Variants in RBFOX2 observed in about 807,000 individuals in gnomAD.
RBFOX2 encodes RNA binding protein fox-1 homolog 2.
A neutral mutation model predicts 49.1 loss-of-function variants in RBFOX2; 10 were observed. The observed-to-expected ratio is 0.20, with a 90% CI of 0.13 to 0.35. The LOEUF is 0.35. Among genes scored for constraint, RBFOX2 ranks in the 10% least tolerant of loss-of-function variants. The pLI is 1.00. For synonymous variants in RBFOX2, 183 were observed against 187.4 expected (o/e 0.98, Z 0.19); for missense variants, 323 against 486.9 (o/e 0.66, Z 3.17).
intron 5 of RBFOX2, 85 bp downstream of exon 6, chr22:35,768,172 G>T (rs1189815038): frequency 1.4e-6 from 2 of 1,413,176 alleles, no homozygotes; most frequent in Admixed American, 3.4e-5. Context: ...CATAAGACAG[G>T]GTTCCAAATG....
rs554429397 is a variant in RBFOX2 at position 35,891,310 on chromosome 22, T to C, written c.-34+47537A>G. 7.9e-5 allele frequency among the ~76,000 whole-genome samples: 12 copies of C among 152,268 alleles called. No individual in the cohort carries two copies. In the South Asian group the frequency reaches 2.3e-3, roughly 29 times the overall value. On this transcript the variant is annotated intron_variant, in intron 1 of 13. Coordinates refer to the RBFOX2 transcript ENST00000359369. Reference sequence around the variant, plus strand: ...CACCATGCCCAGCTAATTGTTTGTATTTTTAGTAGAGACGGTGTTTCACCA... The same window carrying C: ...CACCATGCCCAGCTAATTGTTTGTACTTTTAGTAGAGACGGTGTTTCACCA...
chr22:35,809,246 T>C (rs1951349602), intron 2 of RBFOX2, among the ~76,000 whole-genome samples: 1 of 152,130 alleles, frequency 6.6e-6, no homozygotes, highest in African/African-American at 2.4e-5. Flanking sequence ...AGAGATTAAA[T>C]AACTGGTCCA....
intron 2 of RBFOX2, among the ~76,000 whole-genome samples, chr22:35,792,451 CATT>C (rs1481881690): frequency 4.0e-5 from 6 of 151,056 alleles, no homozygotes; most frequent in South Asian, 4.2e-4. Context: ...AAAAGTGAAA[CATT>C]ATTAACTTTT....
chr22:35,937,183 G>A (rs7285956), intron 1 of RBFOX2, among the ~76,000 whole-genome samples: 11,535 of 152,208 alleles, frequency 0.076, 452 homozygotes, highest in South Asian at 0.086. Flanking sequence ...CAGAAACTCC[G>A]TGGGGTGGAT....
chr22:35,918,997 AT>A lies in RBFOX2; in HGVS notation c.-34+19849del, dbSNP rs556192653. On this transcript the variant is annotated intron_variant, in intron 1 of 13. Transcript: ENST00000359369. ...CATGTTTTCCCACCATAAAAAAAAAATATTAAATAAGATGTGGTATATCCAC... is the reference window on the plus strand; with the variant it reads ...CATGTTTTCCCACCATAAAAAAAAAAATTAAATAAGATGTGGTATATCCAC... 3.3e-5 allele frequency among the ~76,000 whole-genome samples: 5 copies of A among 152,194 alleles called. No homozygotes were observed. The South Asian group carries it at 8.3e-4, about 25-fold the overall frequency.
chr22:35,756,145 C>T lies in RBFOX2; in HGVS notation c.887+3743G>A. The T allele has an allele frequency of 6.7e-7, 1 of 1,498,360 alleles. No individual in the cohort carries two copies. The highest frequency in any genetic ancestry group is 9.0e-7 in the Non-Finnish European group (1 of 1,115,410). The allele number at this position is 1,498,360 out of a possible 1,614,324, so 92.8% of individuals were successfully genotyped here. A position where few individuals can be genotyped will look rare whatever the true frequency, so the allele number is the denominator to read the frequency against. ...GTAAAATCCGTCCTGGTAAACCACA[C>T]TGCAGAAAATCCACACAAAAACAAA... is the stretch of plus-strand genomic sequence containing the variant. On this transcript the variant is annotated intron_variant, in intron 9 of 11. Coordinates refer to ENST00000405409, the Ensembl canonical transcript of RBFOX2.
intron 1 of RBFOX2, among the ~76,000 whole-genome samples, chr22:35,810,690 A>G (rs1272627279): frequency 6.6e-6 from 1 of 152,234 alleles, no homozygotes; most frequent in African/African-American, 2.4e-5. Flanking sequence ...CAGCAAAAAA[A>G]TTAAGCAGTT....
At chr22:35,956,651 G>A (rs890062332) in intron 1 of RBFOX2, among the ~76,000 whole-genome samples, 2 of 152,008 alleles carry the variant, frequency 1.3e-5, no homozygotes, top group African/African-American at 4.8e-5. Flanking sequence ...GAGCCACTGC[G>A]CCTGGCCACC....
In RBFOX2 at chr22:35,938,646, T is replaced by C. The variant is rs1162150734; in HGVS notation, c.-34+201A>G. ...CTTGAGTGATTATTTTCTCTTCTAA[T>C]ATCCACAATTTTAATAACATAATAC... On this transcript the variant is annotated intron_variant, in intron 1 of 13. Coordinates refer to the RBFOX2 transcript ENST00000359369. Among the ~76,000 whole-genome samples, 3 of 152,244 alleles carry C rather than the reference T, an allele frequency of 2.0e-5. No homozygotes were observed. The South Asian group carries it at 6.2e-4, about 31-fold the overall frequency.
At chr22:35,751,744 G>A in intron 9 of RBFOX2, among the ~76,000 whole-genome samples, 1 of 152,084 alleles carries the variant, frequency 6.6e-6, no homozygotes, top group East Asian at 1.9e-4. Context: ...AAATTTTAAA[G>A]TATTTAAATT....
intron 1 of RBFOX2, among the ~76,000 whole-genome samples, chr22:35,909,441 T>C (rs1209238954): frequency 6.6e-6 from 1 of 152,192 alleles, no homozygotes; most frequent in African/African-American, 2.4e-5. Flanking sequence ...GGAAGTCAGA[T>C]ACACCTGAAA....
exon 8 of RBFOX2, chr22:35,761,208 A>C (rs748226005): frequency 6.2e-7 from 1 of 1,613,044 alleles, no homozygotes; most frequent in Non-Finnish European, 8.5e-7. Flanking sequence ...TTACTGATTA[A>C]AGGAATGTAA....
At chr22:35,826,342 C>CAAAAAAAAAAAAA (rs1160241662) in intron 1 of RBFOX2, among the ~76,000 whole-genome samples, 2 of 62,196 alleles carry the variant, frequency 3.2e-5, no homozygotes, top group African/African-American at 5.4e-5. Flanking sequence ...AACTCCATCT[C>CAAAAAAAAAAAAA]AAAAAAAAAA....
rs541015278 is a variant in RBFOX2, at chr22:35,902,090, G to A, written c.-34+36757C>T. Among the ~76,000 whole-genome samples, 20 of 151,794 alleles carry A rather than the reference G, an allele frequency of 1.3e-4. 1 individual carries two copies. Among genetic ancestry groups the A allele is most frequent in the Admixed American group, 3.3e-4 (5 of 15,248 alleles). The stretch of plus-strand genomic sequence containing the variant: ...GTGAGACTCTGTCTCAAAAAAAAAA[G>A]AGAAGAAAAGCTGCATCATCTTAAA... On this transcript the variant is annotated intron_variant, in intron 1 of 13. Coordinates refer to the RBFOX2 transcript ENST00000359369.
In RBFOX2 at chr22:36,028,327, G is replaced by C. The variant is rs761349823; in HGVS notation, c.99C>G (p.Pro33=). The change falls in exon 1 of 14, where the codon CCC becomes CCG. Residue 33 remains proline, a synonymous_variant. Transcript: ENST00000438146. ...GATCGGCTCCGTCTCCTCCCGCTCC[G>C]GGCACCGGCAGCTCCAGCTCCGACT... The C allele has an allele frequency of 1.3e-6, 2 of 1,504,790 alleles. No individual in the cohort carries two copies. Among genetic ancestry groups the C allele is most frequent in the East Asian group, 2.8e-5 (1 of 35,614 alleles). 93.2% of individuals were successfully genotyped at this position (1,504,790 alleles called of 1,614,324 possible).
chr22:35,840,296 C>CT (rs1424437379), exon 1 of RBFOX2: 10 of 1,612,766 alleles, frequency 6.2e-6, no homozygotes, highest in African/African-American at 1.3e-5. Context: ...TTCCACCCCC[C>CT]TCCCCCCCCA....
intron 1 of RBFOX2, among the ~76,000 whole-genome samples, chr22:35,953,425 G>T (rs900471558): frequency 3.3e-5 from 5 of 152,034 alleles, no homozygotes; most frequent in African/African-American, 7.3e-5. Context: ...TATATTATAT[G>T]ACTCCATTTA....
chr22:35,764,284 C>G (rs1458397334), intron 6 of RBFOX2, among the ~76,000 whole-genome samples: 1 of 151,922 alleles, frequency 6.6e-6, no homozygotes, highest in African/African-American at 2.4e-5. Flanking sequence ...TGGGTTCAAA[C>G]TTTTTAAAAA....
At chr22:35,921,699 A>G (rs1453158002) in intron 1 of RBFOX2, among the ~76,000 whole-genome samples, 7 of 152,260 alleles carry the variant, frequency 4.6e-5, no homozygotes, top group Non-Finnish European at 7.3e-5. Context: ...CAGTCAGCAA[A>G]TAACAATTAT....
Sources: gnomAD v4.1 joint callset for allele counts (sites outside exome capture counted in the v4.1 genomes callset) on GRCh38, gnomAD v4.1.1 for gene constraint, MANE v1.5 for transcripts, NCBI Gene and HGNC (gene_info 2026-07-23, HGNC 2026-07-21) for gene names.